AGAP1: variants seen among roughly 807,000 people sequenced by gnomAD.
The protein encoded by AGAP1 is ArfGAP with GTPase domain, ankyrin repeat and PH domain 1.
AGAP1 carries 29 observed loss-of-function variants against 105.3 expected under a neutral mutation model. The observed-to-expected ratio is 0.28, with a 90% CI of 0.21 to 0.38. The LOEUF (loss-of-function observed/expected upper bound fraction) is 0.38. AGAP1 is among the 10% of genes least tolerant of loss of function. AGAP1 has a pLI of 1.00. For synonymous variants in AGAP1, 509 were observed against 485.9 expected (o/e 1.05, Z -0.63); for missense variants, 998 against 1,165.1 (o/e 0.86, Z 2.09).
Position 236,105,654 on chromosome 2 carries a change from C to T in AGAP1, c.2115-14538C>T, listed in dbSNP as rs2059467065. Among the ~76,000 whole-genome samples the T allele has an allele frequency of 7.0e-6, 1 of 142,920 alleles. No individual in the cohort carries two copies. Among genetic ancestry groups the T allele is most frequent in the Admixed American group, 7.1e-5 (1 of 14,176 alleles). 93.8% of individuals were successfully genotyped at this position (142,920 alleles called of 152,430 possible). On this transcript the variant is annotated intron_variant, in intron 16 of 17. Transcript: ENST00000304032. This position sits in a 1 kb window ranked among gnomAD's most constrained non-coding sequence, Gnocchi z 4.2. The stretch of plus-strand genomic sequence containing the variant: ...CACTGCAACCTCCGCCTCCCGGGTT[C>T]ACACCATTCTCCCGCGTTCACGCCA...
Position 235,724,552 on chromosome 2 carries a change from G to A in AGAP1, c.310+6908G>A, listed in dbSNP as rs1285585346. ...CCAGCGTAGGGCAGGGGAAGTCAGTGCCCTCCCAGATGGAAAAGGTACCTG... is the reference window on the plus strand; with the variant it reads ...CCAGCGTAGGGCAGGGGAAGTCAGTACCCTCCCAGATGGAAAAGGTACCTG... On this transcript the variant is annotated intron_variant, in intron 3 of 17. Coordinates refer to ENST00000304032, the MANE Select transcript of AGAP1 (RefSeq NM_001037131.3). The surrounding 1 kb of genome is among the most constrained non-coding windows in gnomAD (Gnocchi z 4.9). 6.6e-6 allele frequency among the ~76,000 whole-genome samples: 1 copy of A among 152,122 alleles called. No homozygotes were observed. Among genetic ancestry groups the A allele is most frequent in the East Asian group, 1.9e-4 (1 of 5,184 alleles).
rs1241873711 is a variant in AGAP1 at position 236,089,216 on chromosome 2, T to C, written c.2115-30976T>C. Among the ~76,000 whole-genome samples, 1 of 152,228 alleles carries C rather than the reference T, an allele frequency of 6.6e-6. No individual in the cohort carries two copies. The highest frequency in any genetic ancestry group is 1.5e-5 in the Non-Finnish European group (1 of 68,044). On this transcript the variant is annotated intron_variant, in intron 16 of 17. Transcript: ENST00000304032. This position sits in a 1 kb window ranked among gnomAD's most constrained non-coding sequence, Gnocchi z 5.6. ...TTTCAAAGCACATACAGTTGTGTGATTTTTATTTCCCCAAGAAAAAATAAA... is the reference window on the plus strand; with the variant it reads ...TTTCAAAGCACATACAGTTGTGTGACTTTTATTTCCCCAAGAAAAAATAAA...
At chr2:235,923,248 G>T (rs2052273113) in intron 11 of AGAP1, among the ~76,000 whole-genome samples, 1 of 152,144 alleles carries the variant, frequency 6.6e-6, no homozygotes, top group African/African-American at 2.4e-5. Context: ...ACTGTTTGGG[G>T]CTGGGCCACT....
chr2:235,958,790 G>C lies in AGAP1; in HGVS notation c.1484-9672G>C, dbSNP rs2054056505. On this transcript the variant is annotated intron_variant, in intron 12 of 17. Transcript: ENST00000304032. The surrounding 1 kb of genome is among the most constrained non-coding windows in gnomAD (Gnocchi z 4.1). The stretch of plus-strand genomic sequence containing the variant: ...CCCATCAGTCTCAAGCAGGCTGCTT[G>C]ATATTTATGCGGACGGAATGTTATT... Among the ~76,000 whole-genome samples, 1 of 152,182 alleles carries C rather than the reference G, an allele frequency of 6.6e-6. No individual in the cohort carries two copies.
intron 13 of AGAP1, among the ~76,000 whole-genome samples, chr2:235,987,820 G>T (rs1046883159): frequency 1.3e-5 from 2 of 152,024 alleles, no homozygotes; most frequent in African/African-American, 4.8e-5. Context: ...TGTGAGAACC[G>T]CCAAATTCTT....
intron 1 of AGAP1, among the ~76,000 whole-genome samples, chr2:235,593,293 C>T (rs937334297): frequency 5.9e-5 from 9 of 152,238 alleles, no homozygotes; most frequent in Admixed American, 1.3e-4. Context: ...ATGGTGTTAA[C>T]GCAGAGACCC....
At position 235,976,784 on chromosome 2, in the gene AGAP1, A is replaced by G. The variant is rs920217456; in HGVS notation, c.1645+8161A>G. Among the ~76,000 whole-genome samples the G allele has an allele frequency of 3.3e-5, 5 of 152,196 alleles. No individual in the cohort carries two copies. The highest frequency in any genetic ancestry group is 1.2e-4 in the African/African-American group (5 of 41,460). ...TGGAGGACCTCAGGGAGGTTCCCCAAAGGGGAGTAGACACTCACACACGTT... is the reference window on the plus strand; with the variant it reads ...TGGAGGACCTCAGGGAGGTTCCCCAGAGGGGAGTAGACACTCACACACGTT... On this transcript the variant is annotated intron_variant, in intron 13 of 17. Coordinates refer to ENST00000304032, the MANE Select transcript of AGAP1 (RefSeq NM_001037131.3). The surrounding 1 kb of genome is among the most constrained non-coding windows in gnomAD (Gnocchi z 4.5).
At chr2:235,903,336 A>G (rs954703153) in intron 10 of AGAP1, among the ~76,000 whole-genome samples, 5 of 152,206 alleles carry the variant, frequency 3.3e-5, no homozygotes, top group African/African-American at 1.2e-4. Flanking sequence ...ATCCTTGAAG[A>G]AAGTTGAGCT....
At chr2:235,768,290 C>T (rs925605115) in intron 6 of AGAP1, among the ~76,000 whole-genome samples, 2 of 152,138 alleles carry the variant, frequency 1.3e-5, no homozygotes, top group African/African-American at 4.8e-5. Flanking sequence ...TAAAATGGGA[C>T]TAATTGTATT....
intron 8 of AGAP1, among the ~76,000 whole-genome samples, chr2:235,802,790 GTGA>G (rs1359274679): frequency 2.3e-5 from 2 of 86,624 alleles, no homozygotes; most frequent in South Asian, 4.7e-4. Context: ...GGTTGTGATG[GTGA>G]TGATGGTTGT....
chr2:235,548,331 A>G (rs1254029837), intron 1 of AGAP1, among the ~76,000 whole-genome samples: 1 of 152,096 alleles, frequency 6.6e-6, no homozygotes, highest in Non-Finnish European at 1.5e-5. Context: ...CTCCACTTTC[A>G]GATTTCTTTC....
chr2:236,030,268 G>A (rs1559207542), intron 13 of AGAP1, among the ~76,000 whole-genome samples: 1 of 152,184 alleles, frequency 6.6e-6, no homozygotes, highest in South Asian at 2.1e-4. Flanking sequence ...ACCAGCCTCA[G>A]CCTCCCAAAG....
In AGAP1 at chr2:235,773,394, G is replaced by A. The variant is rs1177925785; in HGVS notation, c.673+22906G>A. Among the ~76,000 whole-genome samples the A allele has an allele frequency of 1.4e-4, 21 of 152,294 alleles. 1 individual carries two copies. The South Asian group carries it at 3.9e-3, about 29-fold the overall frequency. ...GGAAAGCAACCAATCAAAGGCTGAA[G>A]CAAAGTTACAAAGTTACACTCCTAT... On this transcript the variant is annotated intron_variant, in intron 6 of 17. Transcript: ENST00000304032.
Position 235,787,392 on chromosome 2 carries a change from T to A in AGAP1, c.674-10367T>A, listed in dbSNP as rs1207481300. The stretch of plus-strand genomic sequence containing the variant: ...TCATTAATTTCTCAGTATTTCCCCC[T>A]TGCAGATTATTCCTTCTTTGTCTGC... On this transcript the variant is annotated intron_variant, in intron 6 of 17. Coordinates refer to ENST00000304032, the MANE Select transcript of AGAP1 (RefSeq NM_001037131.3). The surrounding 1 kb of genome is among the most constrained non-coding windows in gnomAD (Gnocchi z 4.4). 2.0e-5 allele frequency among the ~76,000 whole-genome samples: 3 copies of A among 152,252 alleles called. No homozygotes were observed. The highest frequency in any genetic ancestry group is 4.4e-5 in the Non-Finnish European group (3 of 68,052).
At chr2:235,776,549 G>T (rs1437423730) in intron 6 of AGAP1, among the ~76,000 whole-genome samples, 1 of 152,118 alleles carries the variant, frequency 6.6e-6, no homozygotes, top group Non-Finnish European at 1.5e-5. Flanking sequence ...CTTGTCGAGG[G>T]TCTCCTAAGT....
rs1240303875 is a variant in AGAP1, at chr2:235,686,648, TATATATATATATA to T, written c.164-22530_164-22518del. On this transcript the variant is annotated intron_variant, in intron 1 of 17. Coordinates refer to ENST00000304032, the MANE Select transcript of AGAP1 (RefSeq NM_001037131.3). Reference sequence around the variant, plus strand: ...ATATATATATATATATATATATAGATATATATATATATATATATTTTTTTTTTTTTTTAGACAG... The same window carrying T: ...ATATATATATATATATATATATAGATTATATTTTTTTTTTTTTTTAGACAG... 2.9e-4 allele frequency among the ~76,000 whole-genome samples: 14 copies of T among 47,618 alleles called. 1 individual carries two copies. The highest frequency in any genetic ancestry group is 2.2e-3 in the East Asian group (2 of 922). The allele number at this position is 47,618 out of a possible 152,430, so 31.2% of individuals were successfully genotyped here.
intron 10 of AGAP1, among the ~76,000 whole-genome samples, chr2:235,884,609 C>A (rs977715356): frequency 1.3e-5 from 2 of 151,952 alleles, no homozygotes; most frequent in Non-Finnish European, 2.9e-5. Flanking sequence ...TGCCACCATG[C>A]CCAGCTAAAT....
chr2:235,943,303 T>G (rs1559676856), intron 12 of AGAP1, among the ~76,000 whole-genome samples: 1 of 151,578 alleles, frequency 6.6e-6, no homozygotes, highest in African/African-American at 2.4e-5. Flanking sequence ...ATTTCCTCCC[T>G]CACTTCCTTT....
chr2:235,609,504 G>T lies in AGAP1; in HGVS notation c.164-99675G>T, dbSNP rs1946056558. Reference sequence around the variant, plus strand: ...AGAAGTGCGAGAGGGAGTGGGGAAGGCAGGCTGGGCGTGCTGTGGTTATAG... The same window carrying T: ...AGAAGTGCGAGAGGGAGTGGGGAAGTCAGGCTGGGCGTGCTGTGGTTATAG... On this transcript the variant is annotated intron_variant, in intron 1 of 17. Transcript: ENST00000304032. The surrounding 1 kb of genome is among the most constrained non-coding windows in gnomAD (Gnocchi z 5.1). Among the ~76,000 whole-genome samples the T allele has an allele frequency of 6.6e-6, 1 of 152,134 alleles. No homozygotes were observed. The highest frequency in any genetic ancestry group is 1.5e-5 in the Non-Finnish European group (1 of 68,034).
Sources: allele counts gnomAD v4.1 joint callset (sites outside exome capture counted in the v4.1 genomes callset), GRCh38; gene constraint gnomAD v4.1.1; non-coding constraint Gnocchi (gnomAD v3.1); transcripts MANE v1.5; gene names NCBI Gene and HGNC (gene_info 2026-07-23, HGNC 2026-07-21).